The following ACCSL variants were observed in gnomAD, a reference collection of about 807,000 sequenced individuals.
ACCSL encodes probable inactive 1-aminocyclopropane-1-carboxylate synthase-like protein 2.
A neutral mutation model predicts 61.7 loss-of-function variants in ACCSL; 55 were observed. The observed-to-expected ratio is 0.89, with a 90% CI of 0.72 to 1.12. The LOEUF is 1.12. ACCSL is among the 50% of genes most tolerant of loss of function. The pLI, the probability that ACCSL is intolerant of heterozygous loss-of-function variation, is 0.00. For synonymous variants in ACCSL, 258 were observed against 264.3 expected (o/e 0.98, Z 0.23); for missense variants, 632 against 698.0 (o/e 0.91, Z 1.07).
At chr11:43,984,664 T>C in the ACCSL span, among the ~76,000 whole-genome samples, 2 of 152,258 alleles carry the variant, frequency 1.3e-5, no homozygotes, top group African/African-American at 4.8e-5. Flanking sequence ...TGCCAAGATG[T>C]TCATTTCAAA....
At chr11:43,990,995 C>T in the ACCSL span, among the ~76,000 whole-genome samples, 5 of 151,820 alleles carry the variant, frequency 3.3e-5, no homozygotes, top group African/African-American at 7.3e-5. Flanking sequence ...CACTTGAACC[C>T]GGGTAGCAGA....
At chr11:44,013,854 G>A in the ACCSL span, among the ~76,000 whole-genome samples, 1 of 152,172 alleles carries the variant, frequency 6.6e-6, no homozygotes, top group African/African-American at 2.4e-5. Context: ...GCGGACAGAG[G>A]CTTCGGGGTT....
chr11:44,046,329 T>G (rs1952596979), upstream of ACCSL, among the ~76,000 whole-genome samples: 1 of 152,248 alleles, frequency 6.6e-6, no homozygotes, highest in South Asian at 2.1e-4. Flanking sequence ...TTCTGTGGCT[T>G]TCTCTGTCTA....
the ACCSL span, among the ~76,000 whole-genome samples, chr11:43,987,753 A>G: frequency 6.6e-6 from 1 of 152,134 alleles, no homozygotes; most frequent in Non-Finnish European, 1.5e-5. Context: ...CGACTTCCCA[A>G]CACAGCCCGA....
At chr11:44,053,199 C>A (rs1490314062) in intron 7 of ACCSL, 131 bp downstream of exon 7, 4 of 886,392 alleles carry the variant, frequency 4.5e-6, no homozygotes, top group Non-Finnish European at 7.1e-6. Flanking sequence ...AGTAAATGAT[C>A]CAGGGGTGTG....
At chr11:44,002,007 G>A in the ACCSL span, among the ~76,000 whole-genome samples, 1 of 152,008 alleles carries the variant, frequency 6.6e-6, no homozygotes, top group African/African-American at 2.4e-5. Context: ...GCTCAGGGAG[G>A]GGGCCTTGGA....
Position 44,051,341 on chromosome 11 carries a change from G to A in ACCSL, c.642G>A (p.Arg214=). The change falls in exon 4 of 14, where the codon CGG becomes CGA. Residue 214 remains arginine, a synonymous_variant. Transcript: ENST00000378832. Reference sequence around the variant, plus strand: ...TCTCTGGGTCTGTTTACAGCCTGCGGGAAGAAGTGGCCCGGTTCCTGACCT... The same window carrying A: ...TCTCTGGGTCTGTTTACAGCCTGCGAGAAGAAGTGGCCCGGTTCCTGACCT... ...YPDWRGQPFL[R]EEVARFLTYY... The A allele has an allele frequency of 6.2e-7, 1 of 1,614,184 alleles. No individual in the cohort carries two copies. The highest frequency in any genetic ancestry group is 1.1e-5 in the South Asian group (1 of 91,086).
chr11:43,966,823 C>T, the ACCSL span, among the ~76,000 whole-genome samples: 2 of 152,068 alleles, frequency 1.3e-5, no homozygotes, highest in Non-Finnish European at 2.9e-5. Context: ...GACAACTTTC[C>T]CTGGCACATC....
intron 5 of ACCSL, 83 bp from the exon 6 acceptor site, chr11:44,052,579 T>A: frequency 8.4e-7 from 1 of 1,197,196 alleles, no homozygotes; most frequent in South Asian, 1.3e-5. Flanking sequence ...TTTCTGTCGA[T>A]AGCTTTGCTA....
chr11:44,048,559 G>A lies in ACCSL; in HGVS notation c.504+19G>A, dbSNP rs1259719560. The A allele has an allele frequency of 8.7e-5, 19 of 217,246 alleles. 2 individuals are homozygous for A. The highest frequency in any genetic ancestry group is 2.6e-4 in the East Asian group (2 of 7,674). 13.5% of individuals were successfully genotyped at this position (217,246 alleles called of 1,614,324 possible). A position where few individuals can be genotyped will look rare whatever the true frequency, so the allele number is the denominator to read the frequency against. On this transcript the variant is annotated intron_variant, in intron 1 of 13. Transcript: ENST00000378832. ...CACCTTGGTGAGAATTTGGGGTGGG[G>A]GGTGGGCAGCATCCTCACGGGCTCC... is the stretch of plus-strand genomic sequence containing the variant.
the ACCSL span, among the ~76,000 whole-genome samples, chr11:43,996,552 T>C: frequency 2.6e-5 from 4 of 152,196 alleles, no homozygotes; most frequent in Middle Eastern, 3.4e-3. Context: ...GCTGAGTAGG[T>C]GACAGTGCCC....
At chr11:44,016,617 G>A in the ACCSL span, among the ~76,000 whole-genome samples, 2 of 152,086 alleles carry the variant, frequency 1.3e-5, no homozygotes, top group African/African-American at 4.8e-5. Context: ...GAAAAGGGTG[G>A]GTGGTCCTCA....
chr11:44,014,059 G>A, the ACCSL span, among the ~76,000 whole-genome samples: 1 of 152,224 alleles, frequency 6.6e-6, no homozygotes, highest in Non-Finnish European at 1.5e-5. Context: ...AGCAGATAAG[G>A]GTTCTTTTTG....
chr11:44,029,404 G>T, the ACCSL span, among the ~76,000 whole-genome samples: 115 of 152,328 alleles, frequency 7.5e-4, 1 homozygote, highest in African/African-American at 2.6e-3. Context: ...GGTAACCTTT[G>T]CTCAAATGCT....
chr11:43,999,347 C>T, the ACCSL span, among the ~76,000 whole-genome samples: 1 of 152,188 alleles, frequency 6.6e-6, no homozygotes, highest in Non-Finnish European at 1.5e-5. Flanking sequence ...ACAGGCACAG[C>T]TTAGCTGGGT....
At chr11:44,050,717 C>A in intron 3 of ACCSL, 95 bp downstream of exon 3, 1 of 1,125,362 alleles carries the variant, frequency 8.9e-7, no homozygotes, top group Non-Finnish European at 1.3e-6. Flanking sequence ...GGTTGGTTAC[C>A]TCCCTATCTC....
chr11:43,948,082 A>G, the ACCSL span, among the ~76,000 whole-genome samples: 1 of 152,206 alleles, frequency 6.6e-6, no homozygotes, highest in Admixed American at 6.5e-5. Flanking sequence ...GCCAACAGCC[A>G]GCTAAACATT....
the ACCSL span, among the ~76,000 whole-genome samples, chr11:43,965,521 A>G: frequency 6.6e-6 from 1 of 152,218 alleles, no homozygotes; most frequent in Non-Finnish European, 1.5e-5. Flanking sequence ...AAGATACAAT[A>G]CTCCTCAAAT....
the ACCSL span, chr11:43,973,954 T>C: frequency 6.6e-6 from 1 of 152,208 alleles, no homozygotes; most frequent in East Asian, 1.9e-4. Context: ...AACTGATCCT[T>C]ACCAGGATGA....
Sources: gnomAD v4.1 joint callset for allele counts (sites outside exome capture counted in the v4.1 genomes callset) on GRCh38, gnomAD v4.1.1 for gene constraint, MANE v1.5 for transcripts, NCBI Gene and HGNC (gene_info 2026-07-23, HGNC 2026-07-21) for gene names.